TBPL2: variants seen among roughly 807,000 people sequenced by gnomAD.
The protein encoded by TBPL2 is TATA-box binding protein like 2, also known as TATA box-binding protein-like 2.
Under a neutral mutation model 38.2 loss-of-function variants are expected in TBPL2, and 40 were observed. That is an observed-to-expected ratio of 1.05 (90% CI 0.81 to 1.36). The LOEUF is 1.36. Ranked by LOEUF, TBPL2 falls within the 40% of genes most tolerant of loss-of-function variation. The pLI is 0.00. For missense variants in TBPL2, 461 were observed against 456.7 expected, an observed-to-expected ratio of 1.01 and a Z score of -0.09; for synonymous variants, 169 against 171.7, an observed-to-expected ratio of 0.98 and a Z score of 0.12.
At chr14:55,414,571 G>A in intron 6 of TBPL2, 116 bp from the exon 7 acceptor site, 2 of 685,040 alleles carry the variant, frequency 2.9e-6, no homozygotes, top group South Asian at 2.5e-5. Context: ...CTCTTTAGCT[G>A]TACCTGAGAA....
At chr14:55,423,422 T>C (rs1480500446) in intron 6 of TBPL2, among the ~76,000 whole-genome samples, 5 of 152,230 alleles carry the variant, frequency 3.3e-5, no homozygotes, top group African/African-American at 4.8e-5. Flanking sequence ...ATCATAATTG[T>C]CTACAGGTAA....
At chr14:55,417,744 G>A (rs1885689268) in intron 6 of TBPL2, among the ~76,000 whole-genome samples, 1 of 152,132 alleles carries the variant, frequency 6.6e-6, no homozygotes, top group East Asian at 1.9e-4. Context: ...TATGAACCTT[G>A]CCTTTTAAGC....
intron 6 of TBPL2, among the ~76,000 whole-genome samples, chr14:55,418,447 G>C (rs1885698712): frequency 1.3e-5 from 2 of 152,208 alleles, no homozygotes; most frequent in Non-Finnish European, 2.9e-5. Context: ...AGTCGTGTGT[G>C]TATAAGTCAA....
exon 3 of TBPL2, chr14:55,435,918 C>T (rs777342629): frequency 1.3e-6 from 2 of 1,575,230 alleles, no homozygotes. Context: ...GCCAGGTTTA[C>T]AGTGGAAACT....
chr14:55,433,979 T>C (rs142047248), intron 3 of TBPL2, among the ~76,000 whole-genome samples: 25 of 152,342 alleles, frequency 1.6e-4, no homozygotes, highest in African/African-American at 5.5e-4. Context: ...CATGATAGGA[T>C]GAACTTGTGT....
chr14:55,433,133 TA>T (rs1234898238), intron 4 of TBPL2, among the ~76,000 whole-genome samples: 5 of 151,986 alleles, frequency 3.3e-5, no homozygotes, highest in Admixed American at 2.0e-4. Flanking sequence ...AGTATTTTAT[TA>T]TTTTTTTTAA....
At chr14:55,420,325 G>A (rs927915457) in intron 6 of TBPL2, among the ~76,000 whole-genome samples, 14 of 152,316 alleles carry the variant, frequency 9.2e-5, no homozygotes, top group African/African-American at 2.9e-4. Context: ...GATTACAGGC[G>A]TGAGCACAAC....
intron 1 of TBPL2, 88 bp downstream of exon 1, chr14:55,440,308 G>C: frequency 6.7e-7 from 1 of 1,496,276 alleles, no homozygotes; most frequent in South Asian, 1.2e-5. Flanking sequence ...TGGTCGCTAT[G>C]AGTTTTAAGA....
At chr14:55,415,798 G>A (rs963353115) in intron 6 of TBPL2, among the ~76,000 whole-genome samples, 5 of 152,234 alleles carry the variant, frequency 3.3e-5, no homozygotes, top group East Asian at 1.9e-4. Context: ...TTTGGGAGGC[G>A]GGGGTTGCAA....
At chr14:55,440,374 G>A (rs1462951713) in intron 1 of TBPL2, 22 bp downstream of exon 1, 1 of 1,612,904 alleles carries the variant, frequency 6.2e-7, no homozygotes, top group Non-Finnish European at 8.5e-7. Flanking sequence ...TCCTGACTCT[G>A]GGACAGTGGC....
At chr14:55,422,808 G>A (rs536613109) in intron 6 of TBPL2, among the ~76,000 whole-genome samples, 72 of 152,118 alleles carry the variant, frequency 4.7e-4, no homozygotes, top group African/African-American at 1.1e-3. Flanking sequence ...AGCTGAGATC[G>A]CGCCGCCATA....
intron 5 of TBPL2, among the ~76,000 whole-genome samples, chr14:55,424,838 A>G (rs943627230): frequency 6.6e-6 from 1 of 152,186 alleles, no homozygotes; most frequent in African/African-American, 2.4e-5. Flanking sequence ...TGGCCACTCC[A>G]TGGAGCGAAA....
Position 55,437,031 on chromosome 14 carries a change from C to G in TBPL2, c.151-13G>C. The stretch of plus-strand genomic sequence containing the variant: ...GGGCAAGGCCATCCTAGGCAGTTCC[C>G]AAAACAGACAGACAAAAACACAACA... On this transcript the variant is annotated splice_polypyrimidine_tract_variant and intron_variant, in intron 1 of 6. Transcript: ENST00000247219. 6.2e-7 allele frequency: 1 copy of G among 1,608,610 alleles called. No homozygotes were observed. The highest frequency in any genetic ancestry group is 8.5e-7 in the Non-Finnish European group (1 of 1,175,546).
At position 55,424,206 on chromosome 14, in the gene TBPL2, G is replaced by A. The variant is rs1885786271; in HGVS notation, c.1004C>T (p.Pro335Leu). ...TACAAAGATAAGCAACACAATTCGT[G>A]GTTTTACCATTCTATAAATAAGACC... The change falls in exon 6 of 7, where the codon CCA becomes CTA. Residue 335 changes from proline to leucine, a missense_variant. Physicochemically the swap from Pro to Leu is moderately conservative, Grantham distance 98. Transcript: ENST00000247219. 4 of 1,613,138 alleles carry A rather than the reference G, an allele frequency of 2.5e-6. No individual in the cohort carries two copies. The South Asian group carries it at 3.3e-5, about 13-fold the overall frequency.
Position 55,427,969 on chromosome 14 carries a change from G to A in TBPL2, c.956+838C>T, listed in dbSNP as rs571505145. Among the ~76,000 whole-genome samples, 56 of 109,942 alleles carry A rather than the reference G, an allele frequency of 5.1e-4. 1 individual carries two copies. In the South Asian group the frequency reaches 0.019, roughly 37 times the overall value. 72.1% of individuals were successfully genotyped at this position (109,942 alleles called of 152,430 possible). A position where few individuals can be genotyped will look rare whatever the true frequency, so the allele number is the denominator to read the frequency against. On this transcript the variant is annotated intron_variant, in intron 5 of 6. Coordinates refer to ENST00000247219, the Ensembl canonical transcript of TBPL2. ...TCTCTCACTGCAAGCTCCGTCTCCC[G>A]GGTTCACGCCATTCTCCTGCCTCAG...
exon 2 of TBPL2, chr14:55,436,998 C>A (rs45612333): frequency 0.081 from 131,363 of 1,613,816 alleles, 5,675 homozygotes; most frequent in Non-Finnish European, 0.091. Context: ...ACAGGGGAGA[C>A]CTGGGTGGGG....
intron 6 of TBPL2, among the ~76,000 whole-genome samples, chr14:55,417,730 G>C (rs1594788838): frequency 6.6e-6 from 1 of 152,114 alleles, no homozygotes; most frequent in Admixed American, 6.5e-5. Flanking sequence ...CCAAAGTGCT[G>C]GTATATGAAC....
At chr14:55,420,112 C>T (rs12896353) in intron 6 of TBPL2, among the ~76,000 whole-genome samples, 43,744 of 152,080 alleles carry the variant, frequency 0.29, 8,324 homozygotes, top group African/African-American at 0.55. Context: ...GCTCTGTTAC[C>T]CAGGCTAGAG....
At chr14:55,436,040 A>AG (rs1046723210) in intron 2 of TBPL2, 106 bp from the exon 3 acceptor site, 3 of 634,300 alleles carry the variant, frequency 4.7e-6, no homozygotes, top group Non-Finnish European at 7.7e-6. Context: ...GCAATTTCCT[A>AG]GGGGGAGAAT....
Sources: allele counts gnomAD v4.1 joint callset (sites outside exome capture counted in the v4.1 genomes callset), GRCh38; gene constraint gnomAD v4.1.1; transcripts MANE v1.5; gene names NCBI Gene and HGNC (gene_info 2026-07-23, HGNC 2026-07-21).